EYA4: variants seen among roughly 807,000 people sequenced by gnomAD.
EYA4 encodes the protein EYA transcriptional coactivator and phosphatase 4.
Under a neutral mutation model 87.9 loss-of-function variants are expected in EYA4, and 31 were observed. The ratio of observed to expected loss-of-function variants is 0.35; its 90% CI spans 0.27 to 0.48. EYA4 has a LOEUF of 0.48. Ranked by LOEUF, EYA4 falls within the 20% of genes least tolerant of loss-of-function variation. EYA4 has a pLI of 0.99. For missense variants in EYA4, 678 were observed against 761.4 expected, an observed-to-expected ratio of 0.89 and a Z score of 1.29; for synonymous variants, 263 against 270.6, an observed-to-expected ratio of 0.97 and a Z score of 0.28.
chr6:133,419,463 C>T (rs930011514), intron 3 of EYA4, among the ~76,000 whole-genome samples: 7 of 152,104 alleles, frequency 4.6e-5, no homozygotes, highest in Non-Finnish European at 8.8e-5. Context: ...GATATGTCTT[C>T]CTGAACTCTG....
chr6:133,442,784 A>C (rs147703171), intron 3 of EYA4, among the ~76,000 whole-genome samples: 2,335 of 152,266 alleles, frequency 0.015, 66 homozygotes, highest in African/African-American at 0.051. Flanking sequence ...GATATAAGCT[A>C]TAGACTTTTC....
At chr6:133,458,255 T>G (rs944029034) in intron 6 of EYA4, among the ~76,000 whole-genome samples, 1 of 152,148 alleles carries the variant, frequency 6.6e-6, no homozygotes, top group Non-Finnish European at 1.5e-5. Flanking sequence ...AAAAATTTTG[T>G]TTTTTATTTT....
At position 133,529,414 on chromosome 6, in the gene EYA4, T is replaced by A; in HGVS notation, c.*609T>A. On this transcript the variant is annotated 3_prime_UTR_variant, in exon 20 of 20. Transcript: ENST00000355286. The stretch of plus-strand genomic sequence containing the variant: ...GGAAATGGGAATATAATATTGTCTC[T>A]TTTTTAAGTTTGGCAAACAGAATGT... 6 of 991,246 alleles carry A rather than the reference T, an allele frequency of 6.1e-6. No individual in the cohort carries two copies. Among genetic ancestry groups the A allele is most frequent in the Non-Finnish European group, 7.2e-6 (6 of 832,758 alleles). 61.4% of individuals were successfully genotyped at this position (991,246 alleles called of 1,614,324 possible). A position where few individuals can be genotyped will look rare whatever the true frequency, so the allele number is the denominator to read the frequency against.
intron 1 of EYA4, among the ~76,000 whole-genome samples, chr6:133,274,201 CT>C (rs1776977637): frequency 6.6e-6 from 1 of 151,948 alleles, no homozygotes; most frequent in Non-Finnish European, 1.5e-5. Flanking sequence ...AACATATTGT[CT>C]TTTTAAGGTT....
At chr6:133,326,001 C>T (rs1422376481) in intron 2 of EYA4, among the ~76,000 whole-genome samples, 1 of 152,198 alleles carries the variant, frequency 6.6e-6, no homozygotes, top group Admixed American at 6.5e-5. Flanking sequence ...TGGTGGTCTG[C>T]CTCTTTGCTT....
intron 1 of EYA4, among the ~76,000 whole-genome samples, chr6:133,260,168 C>A (rs192308117): frequency 1.3e-5 from 2 of 152,058 alleles, no homozygotes; most frequent in East Asian, 3.9e-4. Context: ...TCTGTAGTTT[C>A]ACATTCTTAG....
chr6:133,414,963 G>T (rs1212460986), intron 3 of EYA4, among the ~76,000 whole-genome samples: 2 of 152,086 alleles, frequency 1.3e-5, no homozygotes, highest in African/African-American at 4.8e-5. Flanking sequence ...AAGCATTTCT[G>T]GAGCCTTTAT....
chr6:133,365,744 C>G (rs1276811132), intron 2 of EYA4, among the ~76,000 whole-genome samples: 3 of 151,850 alleles, frequency 2.0e-5, no homozygotes, highest in Non-Finnish European at 4.4e-5. Flanking sequence ...TGGTACCTGG[C>G]CCTGGGAGAT....
At chr6:133,306,500 C>T (rs1462646006) in intron 2 of EYA4, among the ~76,000 whole-genome samples, 1 of 152,118 alleles carries the variant, frequency 6.6e-6, no homozygotes, top group East Asian at 1.9e-4. Flanking sequence ...AGTGTATTCT[C>T]CAAGGGAAGA....
rs570908378 is a variant in EYA4 at position 133,340,599 on chromosome 6, G to A, written c.34-41793G>A. On this transcript the variant is annotated intron_variant, in intron 2 of 19. Coordinates refer to ENST00000355286, the MANE Select transcript of EYA4 (RefSeq NM_004100.5). ...GTATCTGGGAAGTGAGCATTCCAGG[G>A]AAGGATGTGCACTGGCCCCAAGGCA... is the stretch of plus-strand genomic sequence containing the variant. 1.1e-4 allele frequency among the ~76,000 whole-genome samples: 16 copies of A among 152,282 alleles called. 1 individual carries two copies. The South Asian group carries it at 3.3e-3, about 32-fold the overall frequency.
chr6:133,497,008 C>T (rs1797699099), intron 13 of EYA4, among the ~76,000 whole-genome samples: 2 of 152,134 alleles, frequency 1.3e-5, no homozygotes, highest in African/African-American at 4.8e-5. Flanking sequence ...TTCTTCCTCT[C>T]CCCGCACCCA....
At chr6:133,392,432 G>A (rs1208464730) in intron 3 of EYA4, among the ~76,000 whole-genome samples, 1 of 152,106 alleles carries the variant, frequency 6.6e-6, no homozygotes. Context: ...GGTATTGAGA[G>A]CTCACCAATG....
intron 2 of EYA4, among the ~76,000 whole-genome samples, chr6:133,316,614 A>G (rs377701512): frequency 1.3e-5 from 2 of 152,198 alleles, no homozygotes; most frequent in Non-Finnish European, 2.9e-5. Context: ...TTAATTGACT[A>G]CGCTACCCCT....
intron 9 of EYA4, among the ~76,000 whole-genome samples, 157 bp from the exon 10 acceptor site, chr6:133,464,622 G>T (rs1376744871): frequency 6.6e-6 from 1 of 152,146 alleles, no homozygotes. Flanking sequence ...AAGAGGGAGA[G>T]AGCTAAGCCT....
chr6:133,477,455 TTGAG>T (rs1418379910), intron 11 of EYA4, among the ~76,000 whole-genome samples: 1 of 152,140 alleles, frequency 6.6e-6, no homozygotes, highest in African/African-American at 2.4e-5. Context: ...CATTTTTTAT[TTGAG>T]TTATTTGTTT....
At position 133,530,654 on chromosome 6, in the gene EYA4, G is replaced by A; in HGVS notation, c.*1849G>A. 1.0e-6 allele frequency: 1 copy of A among 985,552 alleles called. No individual in the cohort carries two copies. The highest frequency in any genetic ancestry group is 4.7e-5 in the South Asian group (1 of 21,288). 61.1% of individuals were successfully genotyped at this position (985,552 alleles called of 1,614,324 possible). A position where few individuals can be genotyped will look rare whatever the true frequency, so the allele number is the denominator to read the frequency against. On this transcript the variant is annotated 3_prime_UTR_variant, in exon 20 of 20. Transcript: ENST00000355286. ...TTTCATTTCTTTAGGCTACAAACCTGTATTTCTTTACTGAATGCTAAGGCC... is the reference window on the plus strand; with the variant it reads ...TTTCATTTCTTTAGGCTACAAACCTATATTTCTTTACTGAATGCTAAGGCC...
chr6:133,512,650 A>G, intron 14 of EYA4, 71 bp from the exon 15 acceptor site: 1 of 1,182,608 alleles, frequency 8.5e-7, no homozygotes, highest in South Asian at 1.2e-5. Flanking sequence ...AGATGAGAAG[A>G]TGGGAAAACC....
At chr6:133,357,699 A>G (rs2128440713) in intron 2 of EYA4, among the ~76,000 whole-genome samples, 1 of 152,110 alleles carries the variant, frequency 6.6e-6, no homozygotes, top group East Asian at 1.9e-4. Flanking sequence ...ACTAATACTT[A>G]TTTCTCTTAG....
intron 2 of EYA4, among the ~76,000 whole-genome samples, chr6:133,349,986 T>G (rs756318505): frequency 2.7e-4 from 41 of 152,088 alleles, no homozygotes; most frequent in Non-Finnish European, 8.8e-5. Context: ...GTCAGAAAAG[T>G]TTGTAAAATA....
Sources: allele counts gnomAD v4.1 joint callset (sites outside exome capture counted in the v4.1 genomes callset), GRCh38; gene constraint gnomAD v4.1.1; transcripts MANE v1.5; gene names NCBI Gene and HGNC (gene_info 2026-07-23, HGNC 2026-07-21).